MAPKAP1: variants seen among roughly 807,000 people sequenced by gnomAD.
The protein encoded by MAPKAP1 is MAPK associated protein 1.
A neutral mutation model predicts 65.7 loss-of-function variants in MAPKAP1; 20 were observed. The ratio of observed to expected loss-of-function variants is 0.30; its 90% confidence interval spans 0.21 to 0.44. The LOEUF is 0.44. Among genes scored for constraint, MAPKAP1 ranks in the 20% least tolerant of loss-of-function variants. The pLI, the probability that MAPKAP1 is intolerant of heterozygous loss-of-function variation, is 1.00. For missense variants in MAPKAP1, 423 were observed against 648.0 expected, an observed-to-expected ratio of 0.65 and a Z score of 3.77; for synonymous variants, 222 against 244.3, an observed-to-expected ratio of 0.91 and a Z score of 0.85.
chr9:125,504,371 A>G (rs1490496988), intron 8 of MAPKAP1, among the ~76,000 whole-genome samples: 4 of 152,222 alleles, frequency 2.6e-5, no homozygotes, highest in Non-Finnish European at 5.9e-5. Context: ...CTGTGGGGAC[A>G]GTAACCTTCT....
intron 1 of MAPKAP1, among the ~76,000 whole-genome samples, chr9:125,697,175 G>C (rs1280356408): frequency 1.3e-5 from 2 of 152,134 alleles, no homozygotes; most frequent in Non-Finnish European, 2.9e-5. Context: ...TTTATGTCAG[G>C]ACATATGAAA....
intron 7 of MAPKAP1, among the ~76,000 whole-genome samples, chr9:125,508,055 A>G (rs1829195319): frequency 6.6e-6 from 1 of 151,982 alleles, no homozygotes; most frequent in Non-Finnish European, 1.5e-5. Flanking sequence ...AGTCCCAGCT[A>G]CTCGGGAGGC....
intron 10 of MAPKAP1, among the ~76,000 whole-genome samples, chr9:125,462,150 C>A (rs1853521110): frequency 6.6e-6 from 1 of 152,228 alleles, no homozygotes; most frequent in Admixed American, 6.5e-5. Context: ...TCTGCTAGAA[C>A]TACCCATGTC....
intron 7 of MAPKAP1, among the ~76,000 whole-genome samples, chr9:125,521,166 G>A (rs1829605948): frequency 6.6e-6 from 1 of 152,220 alleles, no homozygotes; most frequent in Admixed American, 6.5e-5. Context: ...GGCAGAGAGT[G>A]TGCTTGAAGG....
In MAPKAP1 at chr9:125,437,876, C is replaced by G. The variant is rs1009875846; in HGVS notation, c.*1011G>C. 4 of 152,522 alleles carry G rather than the reference C, an allele frequency of 2.6e-5. No individual in the cohort carries two copies. Among genetic ancestry groups the G allele is most frequent in the African/African-American group, 9.6e-5 (4 of 41,478 alleles). The allele number at this position is 152,522 out of a possible 1,614,324, so 9.4% of individuals were successfully genotyped here. A position where few individuals can be genotyped will look rare whatever the true frequency, so the allele number is the denominator to read the frequency against. On this transcript the variant is annotated 3_prime_UTR_variant, in exon 12 of 12. Coordinates refer to ENST00000265960, the MANE Select transcript of MAPKAP1 (RefSeq NM_001006617.3). ...GGTGTCAGGGGCATCTGATCCCTTG[C>G]CTGTTCCCACCCAGGGAGCCGGACG...
chr9:125,520,087 C>A (rs928375321), intron 7 of MAPKAP1, among the ~76,000 whole-genome samples: 1 of 152,190 alleles, frequency 6.6e-6, no homozygotes, highest in Admixed American at 6.5e-5. Flanking sequence ...CCACCACTCA[C>A]ATGTTATGTA....
chr9:125,668,266 G>A (rs1301142912), intron 3 of MAPKAP1, among the ~76,000 whole-genome samples: 1 of 152,158 alleles, frequency 6.6e-6, no homozygotes, highest in Non-Finnish European at 1.5e-5. Context: ...TCCATGTTGG[G>A]TAACTTTGGC....
chr9:125,504,754 C>A (rs1829088955), intron 8 of MAPKAP1, among the ~76,000 whole-genome samples: 2 of 152,108 alleles, frequency 1.3e-5, no homozygotes, highest in Non-Finnish European at 2.9e-5. Context: ...GATCACACTA[C>A]CGAACTCCAG....
At chr9:125,519,927 G>A (rs1382067800) in intron 7 of MAPKAP1, among the ~76,000 whole-genome samples, 2 of 152,006 alleles carry the variant, frequency 1.3e-5, no homozygotes, top group African/African-American at 2.4e-5. Flanking sequence ...ACAGCCTGTG[G>A]GTAGAGAAAA....
At chr9:125,553,392 A>T (rs570613100) in intron 6 of MAPKAP1, among the ~76,000 whole-genome samples, 1 of 152,126 alleles carries the variant, frequency 6.6e-6, no homozygotes, top group East Asian at 1.9e-4. Context: ...AAACACAAAA[A>T]TTGGCAGGGC....
At chr9:125,498,617 T>C (rs943428764) in intron 8 of MAPKAP1, among the ~76,000 whole-genome samples, 1 of 152,212 alleles carries the variant, frequency 6.6e-6, no homozygotes, top group South Asian at 2.1e-4. Context: ...ATTGACGTGG[T>C]TGATATAAAA....
intron 7 of MAPKAP1, chr9:125,521,606 G>A (rs1829619587): frequency 6.7e-7 from 1 of 1,486,116 alleles, no homozygotes. Context: ...GAGGAATTTA[G>A]CTGTGGGGAA....
At chr9:125,608,030 G>A (rs561545242) in intron 4 of MAPKAP1, among the ~76,000 whole-genome samples, 36 of 152,330 alleles carry the variant, frequency 2.4e-4, no homozygotes, top group African/African-American at 8.2e-4. Flanking sequence ...CCAGCAGGGA[G>A]GGTATGTCAC....
intron 7 of MAPKAP1, among the ~76,000 whole-genome samples, chr9:125,513,717 G>A (rs1197812222): frequency 1.3e-5 from 2 of 152,192 alleles, no homozygotes; most frequent in Non-Finnish European, 2.9e-5. Context: ...ACTGCAATAA[G>A]GTTTAGGTAG....
At chr9:125,533,683 A>G (rs754192280) in intron 7 of MAPKAP1, among the ~76,000 whole-genome samples, 1 of 152,146 alleles carries the variant, frequency 6.6e-6, no homozygotes, top group South Asian at 2.1e-4. Flanking sequence ...ACTCGACCTC[A>G]GGTGATCCGT....
chr9:125,522,433 TATGAAG>T (rs1829646775), intron 7 of MAPKAP1, among the ~76,000 whole-genome samples: 1 of 152,208 alleles, frequency 6.6e-6, no homozygotes, highest in Non-Finnish European at 1.5e-5. Flanking sequence ...TCACTGTAGA[TATGAAG>T]ATGAACAAGA....
chr9:125,694,757 T>C (rs756537160), intron 1 of MAPKAP1, among the ~76,000 whole-genome samples: 16 of 152,192 alleles, frequency 1.1e-4, no homozygotes, highest in Non-Finnish European at 2.2e-4. Context: ...CACAGACTAA[T>C]GGACAGAAGG....
At chr9:125,665,912 C>T (rs528791960) in intron 3 of MAPKAP1, among the ~76,000 whole-genome samples, 36 of 152,090 alleles carry the variant, frequency 2.4e-4, no homozygotes, top group Non-Finnish European at 4.6e-4. Context: ...GCATAAGAAG[C>T]CTTATTTGCC....
At chr9:125,488,667 A>G (rs1210262989) in intron 8 of MAPKAP1, among the ~76,000 whole-genome samples, 2 of 152,166 alleles carry the variant, frequency 1.3e-5, no homozygotes. Context: ...TTCTCAAAGT[A>G]GGCTCAGGAG....
Sources: gnomAD v4.1 joint callset for allele counts (sites outside exome capture counted in the v4.1 genomes callset) on GRCh38, gnomAD v4.1.1 for gene constraint, MANE v1.5 for transcripts, NCBI Gene and HGNC (gene_info 2026-07-23, HGNC 2026-07-21) for gene names.